PRPSAP1: variants seen among roughly 807,000 people sequenced by gnomAD.
PRPSAP1 encodes phosphoribosyl pyrophosphate synthetase associated protein 1.
In PRPSAP1, 31 loss-of-function variants were observed where a neutral mutation model predicts 39.4. The ratio of observed to expected loss-of-function variants is 0.79; its 90% CI spans 0.59 to 1.06. PRPSAP1 has a LOEUF of 1.06. Ranked by LOEUF, PRPSAP1 falls within the 50% of genes least tolerant of loss-of-function variation. The probability of loss-of-function intolerance (pLI) is 0.00; values close to 1 mark genes in which losing one functional copy is unlikely to be tolerated. For synonymous variants in PRPSAP1, 212 were observed against 192.6 expected (o/e 1.10, Z -0.83); for missense variants, 430 against 511.6 (o/e 0.84, Z 1.54).
At chr17:76,348,468 G>A in intron 2 of PRPSAP1, 61 bp downstream of exon 2, 2 of 1,125,942 alleles carry the variant, frequency 1.8e-6, no homozygotes, top group Non-Finnish European at 2.3e-6. Flanking sequence ...GTGAGGCTCT[G>A]TCTCAAAAAA....
At chr17:76,340,889 C>T (rs186419628) in intron 3 of PRPSAP1, among the ~76,000 whole-genome samples, 15 of 138,204 alleles carry the variant, frequency 1.1e-4, no homozygotes, top group African/African-American at 4.1e-4. Flanking sequence ...GCAACAAGAA[C>T]GAAACTCCAT....
chr17:76,318,880 CTGA>C, intron 7 of PRPSAP1, among the ~76,000 whole-genome samples: 1 of 152,182 alleles, frequency 6.6e-6, no homozygotes, highest in Non-Finnish European at 1.5e-5. Flanking sequence ...ATAAAATACT[CTGA>C]TAATACAACA....
chr17:76,328,026 A>AG (rs931416406), intron 7 of PRPSAP1, among the ~76,000 whole-genome samples: 1 of 152,030 alleles, frequency 6.6e-6, no homozygotes, highest in Non-Finnish European at 1.5e-5. Context: ...CCATACAAAA[A>AG]GAAAAAAAAA....
intron 3 of PRPSAP1, among the ~76,000 whole-genome samples, chr17:76,341,553 T>C (rs558247737): frequency 2.5e-4 from 38 of 152,302 alleles, no homozygotes; most frequent in African/African-American, 8.9e-4. Context: ...ACAAGATTTC[T>C]TAAAGATAAC....
In PRPSAP1 at chr17:76,325,387, C is replaced by T. The variant is rs1426756272; in HGVS notation, c.781+3330G>A. On this transcript the variant is annotated intron_variant, in intron 7 of 9. Coordinates refer to ENST00000446526, the MANE Select transcript of PRPSAP1 (RefSeq NM_002766.3). Reference sequence around the variant, plus strand: ...TCGCGCCACTGCACTCCAGCCTGGGCGACAGAGCGAGGAGACTCAGTCTCA... The same window carrying T: ...TCGCGCCACTGCACTCCAGCCTGGGTGACAGAGCGAGGAGACTCAGTCTCA... Among the ~76,000 whole-genome samples the T allele has an allele frequency of 4.0e-5, 4 of 100,866 alleles. 1 individual carries two copies. Among genetic ancestry groups the T allele is most frequent in the African/African-American group, 7.9e-5 (2 of 25,458 alleles). The allele number at this position is 100,866 out of a possible 152,430, so 66.2% of individuals were successfully genotyped here.
At chr17:76,336,601 G>A (rs1465064571) in intron 3 of PRPSAP1, among the ~76,000 whole-genome samples, 12 of 149,216 alleles carry the variant, frequency 8.0e-5, no homozygotes, top group African/African-American at 2.7e-4. Context: ...GCATGGTGGT[G>A]CATGCCTGTA....
At chr17:76,317,219 A>G (rs7207890) in intron 7 of PRPSAP1, among the ~76,000 whole-genome samples, 19,238 of 152,100 alleles carry the variant, frequency 0.13, 2,847 homozygotes, top group African/African-American at 0.36. Flanking sequence ...GCGTGGTGGT[A>G]CATGCCTGTA....
rs1213674934 is a variant in PRPSAP1 at position 76,353,703 on chromosome 17, TCGTCCGGCCCGCGGCGCGGTTA to T, written c.-22_-1del. 8.2e-6 allele frequency: 12 copies of T among 1,466,474 alleles called. No individual in the cohort carries two copies. Among genetic ancestry groups the T allele is most frequent in the Admixed American group, 4.8e-5 (2 of 41,486 alleles). 90.8% of individuals were successfully genotyped at this position (1,466,474 alleles called of 1,614,324 possible). ...GGCAACAGCAGCAGCTTCTTGGGCA[TCGTCCGGCCCGCGGCGCGGTTA>T]CGACCGGCCCCGCGCGGGGCTGCAC... On this transcript the variant is annotated 5_prime_UTR_variant, in exon 1 of 10. Coordinates refer to ENST00000446526, the MANE Select transcript of PRPSAP1 (RefSeq NM_002766.3).
chr17:76,348,160 A>AAATAAAT (rs1555597422), intron 2 of PRPSAP1, among the ~76,000 whole-genome samples: 3 of 149,248 alleles, frequency 2.0e-5, no homozygotes, highest in African/African-American at 7.6e-5. Context: ...CATCTTAATA[A>AAATAAAT]AAATAAATAA....
intron 3 of PRPSAP1, among the ~76,000 whole-genome samples, chr17:76,333,315 G>A (rs1357465812): frequency 2.0e-5 from 3 of 152,066 alleles, no homozygotes; most frequent in African/African-American, 7.2e-5. Flanking sequence ...TCTCCATGTT[G>A]GTCAGGCTGG....
At chr17:76,323,959 G>A (rs577616152) in intron 7 of PRPSAP1, among the ~76,000 whole-genome samples, 56 of 149,994 alleles carry the variant, frequency 3.7e-4, no homozygotes, top group Non-Finnish European at 6.7e-4. Context: ...CAGCGTGGCT[G>A]ACATGGTAAA....
At chr17:76,353,506 C>T (rs1297713721) in intron 1 of PRPSAP1, 28 bp downstream of exon 1, 3 of 1,472,498 alleles carry the variant, frequency 2.0e-6, no homozygotes, top group South Asian at 1.3e-5. Context: ...CCGCCGCCCC[C>T]GGCCCGGCCC....
intron 8 of PRPSAP1, chr17:76,313,315 C>T (rs1459927110): frequency 2.8e-5 from 8 of 287,974 alleles, no homozygotes; most frequent in African/African-American, 4.4e-5. Context: ...ACATAGCCAG[C>T]GTTCCATTTA....
At chr17:76,328,045 A>G (rs1402454284) in intron 7 of PRPSAP1, among the ~76,000 whole-genome samples, 2 of 151,962 alleles carry the variant, frequency 1.3e-5, no homozygotes, top group East Asian at 3.9e-4. Context: ...AAGGAACAGA[A>G]AACTATCCAG....
intron 1 of PRPSAP1, among the ~76,000 whole-genome samples, chr17:76,350,891 G>A (rs1167943054): frequency 1.3e-5 from 2 of 152,012 alleles, no homozygotes; most frequent in Non-Finnish European, 2.9e-5. Flanking sequence ...AATTAGCGGG[G>A]TGTGGTGGTG....
Position 76,330,065 on chromosome 17 carries a change from T to TA in PRPSAP1, c.612dup (p.Lys205Ter). ...TACCTCTTTGCAGCATCAGGAGACTTAGCTACAATGACTGCATTTCTGTAA... is the reference window on the plus strand; with the variant it reads ...TACCTCTTTGCAGCATCAGGAGACTTAAGCTACAATGACTGCATTTCTGTAA... On this transcript the variant is annotated frameshift_variant, in exon 6 of 10. Coordinates refer to ENST00000446526, the MANE Select transcript of PRPSAP1 (RefSeq NM_002766.3). LOFTEE classifies it high-confidence loss of function. 2 of 1,613,732 alleles carry TA rather than the reference T, an allele frequency of 1.2e-6. No homozygotes were observed. The highest frequency in any genetic ancestry group is 1.7e-6 in the Non-Finnish European group (2 of 1,179,632).
At chr17:76,318,950 A>AT (rs1418365386) in intron 7 of PRPSAP1, among the ~76,000 whole-genome samples, 1 of 151,874 alleles carries the variant, frequency 6.6e-6, no homozygotes, top group Non-Finnish European at 1.5e-5. Flanking sequence ...TTTTATTTTT[A>AT]TTTTTTTGAG....
intron 7 of PRPSAP1, among the ~76,000 whole-genome samples, chr17:76,320,954 A>G: frequency 7.0e-6 from 1 of 143,708 alleles, no homozygotes; most frequent in South Asian, 2.2e-4. Context: ...AATTTTTTGT[A>G]TTTTTTTTTG....
chr17:76,323,245 G>A (rs2071216391), intron 7 of PRPSAP1, among the ~76,000 whole-genome samples: 1 of 133,178 alleles, frequency 7.5e-6, no homozygotes, highest in South Asian at 2.5e-4. Flanking sequence ...GAGAGAATGA[G>A]GCACGAGAAT....
Sources: gnomAD v4.1 joint callset for allele counts (sites outside exome capture counted in the v4.1 genomes callset) on GRCh38, gnomAD v4.1.1 for gene constraint, MANE v1.5 for transcripts, NCBI Gene and HGNC (gene_info 2026-07-23, HGNC 2026-07-21) for gene names.